DAB1: variants seen among roughly 807,000 people sequenced by gnomAD.
DAB1 encodes the protein DAB adaptor protein 1, also known as disabled homolog 1.
In DAB1, 15 loss-of-function variants were observed where a neutral mutation model predicts 64.6. The observed-to-expected ratio is 0.23, with a 90% CI of 0.16 to 0.36. DAB1 has a LOEUF of 0.36. DAB1 is among the 10% of genes least tolerant of loss of function. DAB1 has a pLI of 1.00. For synonymous variants in DAB1, 235 were observed against 251.9 expected (o/e 0.93, Z 0.64); for missense variants, 596 against 706.7 (o/e 0.84, Z 1.78).
chr1:57,057,797 A>G (rs1034828310), intron 9 of DAB1, among the ~76,000 whole-genome samples: 3 of 151,010 alleles, frequency 2.0e-5, no homozygotes, highest in African/African-American at 7.3e-5. Context: ...TTTAGTAGAG[A>G]CGGGGTTTCA....
At position 57,790,877 on chromosome 1, in the gene DAB1, A is replaced by ACAAACT. The variant is rs749861465; in HGVS notation, n.551+93121_551+93122insAGTTTG. Among the ~76,000 whole-genome samples the ACAAACT allele has an allele frequency of 8.9e-4, 136 of 152,304 alleles. No individual in the cohort carries two copies. The Middle Eastern group carries it at 0.014, about 15-fold the overall frequency. Reference sequence around the variant, plus strand: ...TAAAGCACCTGGTGCATTACTACACACACACTCACACTCACATGCATGTGT... The same window carrying ACAAACT: ...TAAAGCACCTGGTGCATTACTACACACAAACTCACACTCACACTCACATGCATGTGT... On this transcript the variant is annotated intron_variant and non_coding_transcript_variant, in intron 6 of 20. Transcript: ENST00000485760.
intron 5 of DAB1, among the ~76,000 whole-genome samples, chr1:58,058,370 C>T (rs1557631075): frequency 6.6e-6 from 1 of 152,152 alleles, no homozygotes; most frequent in Non-Finnish European, 1.5e-5. Flanking sequence ...GCAATTCCAC[C>T]AGCAAACCCC....
intron 3 of DAB1, among the ~76,000 whole-genome samples, chr1:58,377,749 CT>C: frequency 7.2e-6 from 1 of 138,466 alleles, no homozygotes; most frequent in Admixed American, 7.2e-5. Flanking sequence ...TGGGGAAGTT[CT>C]CCTGGATAAT....
intron 4 of DAB1, among the ~76,000 whole-genome samples, chr1:58,240,923 A>G (rs1438981198): frequency 6.6e-6 from 1 of 152,196 alleles, no homozygotes. Context: ...TTTTAAAGGC[A>G]GATAAACTGA....
chr1:58,163,488 T>C (rs570056241), intron 4 of DAB1, among the ~76,000 whole-genome samples: 3 of 152,002 alleles, frequency 2.0e-5, no homozygotes. Context: ...CATCCCAGAG[T>C]TGGAAGTTGA....
chr1:58,002,609 T>A (rs1325446), intron 5 of DAB1, among the ~76,000 whole-genome samples: 27,784 of 151,986 alleles, frequency 0.18, 2,952 homozygotes, highest in East Asian at 0.34. Flanking sequence ...AAGATAACAG[T>A]TTCCCTTTAG....
intron 7 of DAB1, among the ~76,000 whole-genome samples, chr1:57,495,665 C>T (rs1644221632): frequency 1.3e-5 from 2 of 152,100 alleles, no homozygotes; most frequent in Admixed American, 1.3e-4. Context: ...AATATGTATG[C>T]CAGTGTTTAT....
intron 5 of DAB1, among the ~76,000 whole-genome samples, chr1:58,120,743 C>A (rs911001798): frequency 1.3e-5 from 2 of 152,112 alleles, no homozygotes; most frequent in African/African-American, 4.8e-5. Context: ...CCACGTGTCC[C>A]TTTTTAATCA....
chr1:58,353,577 G>A (rs1397647124), intron 3 of DAB1, among the ~76,000 whole-genome samples: 1 of 152,076 alleles, frequency 6.6e-6, no homozygotes, highest in African/African-American at 2.4e-5. Context: ...AAGAAAAACA[G>A]AAGTCAAGGT....
At chr1:57,053,689 T>TA (rs68039540) in intron 9 of DAB1, among the ~76,000 whole-genome samples, 826 of 33,056 alleles carry the variant, frequency 0.025, 2 homozygotes, top group South Asian at 0.052. Flanking sequence ...TATATATATA[T>TA]TTTTTTTTTT....
At chr1:58,324,843 T>C (rs1209880410) in intron 4 of DAB1, among the ~76,000 whole-genome samples, 1 of 152,178 alleles carries the variant, frequency 6.6e-6, no homozygotes, top group Non-Finnish European at 1.5e-5. Context: ...TACCTATATA[T>C]GCACTGTGCA....
At chr1:57,900,092 G>T (rs1557544883) in intron 5 of DAB1, among the ~76,000 whole-genome samples, 1 of 152,094 alleles carries the variant, frequency 6.6e-6, no homozygotes, top group Non-Finnish European at 1.5e-5. Context: ...GTATGAGCCA[G>T]GGTGCCCAGG....
At chr1:58,487,547 T>C (rs185949490) in intron 3 of DAB1, among the ~76,000 whole-genome samples, 3 of 152,350 alleles carry the variant, frequency 2.0e-5, no homozygotes, top group Admixed American at 6.5e-5. Context: ...AACTAGGCAA[T>C]TGTTCTCTGA....
chr1:57,725,102 C>T lies in DAB1; in HGVS notation n.552-75437G>A, dbSNP rs909989210. Among the ~76,000 whole-genome samples the T allele has an allele frequency of 5.3e-5, 8 of 152,162 alleles. No homozygotes were observed. In the South Asian group the frequency reaches 6.2e-4, roughly 12 times the overall value. On this transcript the variant is annotated intron_variant and non_coding_transcript_variant, in intron 6 of 20. Coordinates refer to the DAB1 transcript ENST00000485760. ...CAAGGGCTGTGGCCTAATACAAACC[C>T]GGGTGTGGTTCCCGACCCATCATTT...
intron 7 of DAB1, among the ~76,000 whole-genome samples, chr1:57,539,078 G>C (rs866105210): frequency 6.6e-6 from 1 of 152,190 alleles, no homozygotes; most frequent in African/African-American, 2.4e-5. Flanking sequence ...CAGATGAGCT[G>C]TTCTCAAATA....
intron 4 of DAB1, among the ~76,000 whole-genome samples, chr1:58,243,014 T>G (rs900769723): frequency 1.3e-5 from 2 of 152,158 alleles, no homozygotes; most frequent in African/African-American, 2.4e-5. Context: ...GAGTTAACCT[T>G]AACAAATGAA....
rs150301949 is a variant in DAB1 at position 58,420,166 on chromosome 1, TTTG to T, written n.258-76766_258-76764del. Among the ~76,000 whole-genome samples, 1,168 of 152,242 alleles carry T rather than the reference TTTG, an allele frequency of 7.7e-3. 20 individuals carry two copies. The highest frequency in any genetic ancestry group is 0.027 in the African/African-American group (1,113 of 41,530). On this transcript the variant is annotated intron_variant and non_coding_transcript_variant, in intron 3 of 20. Coordinates refer to the DAB1 transcript ENST00000485760. ...TCTTCCACTTTTTATAGTCAACAAT[TTTG>T]TTGTTGTTGTTGTTAAAAGAATTTC... is the stretch of plus-strand genomic sequence containing the variant.
At chr1:57,126,828 C>T (rs888888475) in intron 4 of DAB1, among the ~76,000 whole-genome samples, 6 of 152,198 alleles carry the variant, frequency 3.9e-5, no homozygotes, top group Non-Finnish European at 5.9e-5. Flanking sequence ...CTGGGCTCCT[C>T]TCCATCACCC....
At chr1:57,045,263 G>T (rs888129592) in intron 9 of DAB1, among the ~76,000 whole-genome samples, 5 of 152,194 alleles carry the variant, frequency 3.3e-5, no homozygotes, top group African/African-American at 1.2e-4. Context: ...CTCTCTTGGA[G>T]GACCATGGCC....
Sources: allele counts gnomAD v4.1 joint callset (sites outside exome capture counted in the v4.1 genomes callset), GRCh38; gene constraint gnomAD v4.1.1; transcripts MANE v1.5; gene names NCBI Gene and HGNC (gene_info 2026-07-23, HGNC 2026-07-21).